Variants in KIAA0319 observed in about 807,000 individuals in gnomAD.
KIAA0319 encodes the protein KIAA0319.
Under a neutral mutation model 108.4 loss-of-function variants are expected in KIAA0319, and 83 were observed. That is an observed-to-expected ratio of 0.77 (90% CI 0.64 to 0.92). The LOEUF (loss-of-function observed/expected upper bound fraction) is 0.92, where lower values mean the gene tolerates loss of function less well. KIAA0319 is among the 40% of genes least tolerant of loss of function. The probability of loss-of-function intolerance (pLI) is 0.00; values close to 1 mark genes in which losing one functional copy is unlikely to be tolerated. For synonymous variants in KIAA0319, 484 were observed against 510.4 expected (o/e 0.95, Z 0.70); for missense variants, 1,195 against 1,322.4 (o/e 0.90, Z 1.49).
At chr6:24,630,706 CAT>C (rs71310725) in intron 1 of KIAA0319, among the ~76,000 whole-genome samples, 2 of 62,168 alleles carry the variant, frequency 3.2e-5, no homozygotes, top group African/African-American at 7.2e-5. Context: ...TATATATACA[CAT>C]ATACACACAA....
chr6:24,585,304 A>G, intron 4 of KIAA0319, among the ~76,000 whole-genome samples: 1 of 151,338 alleles, frequency 6.6e-6, no homozygotes, highest in East Asian at 1.9e-4. Flanking sequence ...CCCGCATCTC[A>G]TTTTATTCCT....
At chr6:24,566,785 G>A in intron 13 of KIAA0319, 37 bp from the exon 14 acceptor site, 1 of 1,559,196 alleles carries the variant, frequency 6.4e-7, no homozygotes, top group Non-Finnish European at 8.7e-7. Context: ...CAAAGAGATT[G>A]ATTTAAAACA....
chr6:24,557,829 C>G (rs188658152), intron 17 of KIAA0319, among the ~76,000 whole-genome samples: 1 of 151,894 alleles, frequency 6.6e-6, no homozygotes, highest in Admixed American at 6.6e-5. Flanking sequence ...CTCCTAGCCT[C>G]AAGACATCCT....
At chr6:24,559,745 G>A (rs3857543) in intron 16 of KIAA0319, among the ~76,000 whole-genome samples, 27,512 of 151,812 alleles carry the variant, frequency 0.18, 2,597 homozygotes, top group Middle Eastern at 0.27. Context: ...TAAAATTCAC[G>A]CTTCTAAAGT....
intron 1 of KIAA0319, among the ~76,000 whole-genome samples, chr6:24,623,355 AC>A (rs1441954594): frequency 6.6e-6 from 1 of 152,160 alleles, no homozygotes; most frequent in Non-Finnish European, 1.5e-5. Context: ...AAGAACAGAG[AC>A]AATAGAGGGG....
At chr6:24,570,254 C>A (rs998375357) in intron 11 of KIAA0319, among the ~76,000 whole-genome samples, 38 of 152,154 alleles carry the variant, frequency 2.5e-4, no homozygotes, top group Admixed American at 1.2e-3. Context: ...AGCCAAGAAA[C>A]ACTGTCTCTA....
In KIAA0319 at chr6:24,568,813, C is replaced by CT; in HGVS notation, c.2107dup (p.Ser703LysfsTer14). ...CACAGCCACAGTGAGGGTGGACGTG[C>CT]TGCTCAGTCCCTGCTGGTCTTTCAC... is the stretch of plus-strand genomic sequence containing the variant. On this transcript the variant is annotated frameshift_variant, in exon 13 of 21. Transcript: ENST00000378214. LOFTEE classifies it high-confidence loss of function. The CT allele has an allele frequency of 3.1e-6, 5 of 1,614,184 alleles. No homozygotes were observed. The highest frequency in any genetic ancestry group is 4.2e-6 in the Non-Finnish European group (5 of 1,180,022).
chr6:24,622,656 G>C (rs750328509), intron 1 of KIAA0319, among the ~76,000 whole-genome samples: 1 of 152,078 alleles, frequency 6.6e-6, no homozygotes, highest in Non-Finnish European at 1.5e-5. Context: ...TCTGTTCTTC[G>C]CATTTTAAAC....
chr6:24,611,592 G>A (rs1772323159), intron 1 of KIAA0319, among the ~76,000 whole-genome samples: 1 of 152,174 alleles, frequency 6.6e-6, no homozygotes, highest in African/African-American at 2.4e-5. Context: ...AAGCACAGTA[G>A]AAGTGTCAAC....
intron 8 of KIAA0319, among the ~76,000 whole-genome samples, chr6:24,579,639 G>C (rs807507): frequency 0.65 from 97,839 of 150,246 alleles, 33,196 homozygotes; most frequent in African/African-American, 0.84. Flanking sequence ...ATGGCCAGGC[G>C]CTAAAGAACT....
intron 13 of KIAA0319, among the ~76,000 whole-genome samples, chr6:24,566,973 C>A (rs904806043): frequency 2.0e-5 from 3 of 152,146 alleles, no homozygotes; most frequent in African/African-American, 4.8e-5. Flanking sequence ...AACGGTAAAG[C>A]AGGTGGCAAG....
In KIAA0319 at chr6:24,546,952, G is replaced by A. The variant is rs1223736122; in HGVS notation, c.*213C>T. 3 of 517,380 alleles carry A rather than the reference G, an allele frequency of 5.8e-6. No individual in the cohort carries two copies. The highest frequency in any genetic ancestry group is 1.0e-5 in the Non-Finnish European group (3 of 289,032). The allele number at this position is 517,380 out of a possible 1,614,324, so 32.0% of individuals were successfully genotyped here. A position where few individuals can be genotyped will look rare whatever the true frequency, so the allele number is the denominator to read the frequency against. On this transcript the variant is annotated 3_prime_UTR_variant, in exon 21 of 21. Transcript: ENST00000378214. The stretch of plus-strand genomic sequence containing the variant: ...AGTATATACCTTAGAGTTTTACCCA[G>A]CCTTTATTTCTATTAACAAGCATCT...
intron 2 of KIAA0319, chr6:24,600,707 A>T: frequency 6.6e-7 from 1 of 1,508,714 alleles, no homozygotes; most frequent in Non-Finnish European, 8.9e-7. Context: ...CACCATAAGC[A>T]AACTGAGTAT....
intron 4 of KIAA0319, among the ~76,000 whole-genome samples, chr6:24,587,430 A>G (rs1484510368): frequency 2.7e-5 from 4 of 150,586 alleles, no homozygotes; most frequent in Non-Finnish European, 5.9e-5. Flanking sequence ...ACAGGCGCCC[A>G]CCACCACGTC....
intron 20 of KIAA0319, among the ~76,000 whole-genome samples, chr6:24,549,030 AG>A (rs1761039755): frequency 6.6e-6 from 1 of 152,128 alleles, no homozygotes; most frequent in African/African-American, 2.4e-5. Context: ...CACATAAAAG[AG>A]GCACCAGAGG....
At position 24,544,550 on chromosome 6, in the gene KIAA0319, T is replaced by A. The variant is rs1206956974; in HGVS notation, c.*2615A>T. 2.0e-5 allele frequency: 3 copies of A among 152,196 alleles called. No individual in the cohort carries two copies. Among genetic ancestry groups the A allele is most frequent in the African/African-American group, 7.2e-5 (3 of 41,454 alleles). The allele number at this position is 152,196 out of a possible 1,614,324, so 9.4% of individuals were successfully genotyped here. A position where few individuals can be genotyped will look rare whatever the true frequency, so the allele number is the denominator to read the frequency against. On this transcript the variant is annotated 3_prime_UTR_variant, in exon 21 of 21. Transcript: ENST00000378214. ...ATCACTGGCTTGTTGAGTGGTACAT[T>A]TTCTTACCTTGCTGCATGTTTTTCA... is the stretch of plus-strand genomic sequence containing the variant.
intron 14 of KIAA0319, among the ~76,000 whole-genome samples, chr6:24,565,752 C>CAAAAAAAAAAAAAAAAAA (rs71542686): frequency 1.6e-5 from 1 of 62,718 alleles, no homozygotes; most frequent in Non-Finnish European, 3.1e-5. Context: ...GACTCCATCT[C>CAAAAAAAAAAAAAAAAAA]AAAAAAAAAA....
intron 8 of KIAA0319, among the ~76,000 whole-genome samples, chr6:24,578,657 T>G (rs193269918): frequency 5.5e-4 from 84 of 152,338 alleles, no homozygotes; most frequent in African/African-American, 1.9e-3. Context: ...ACAAAACATC[T>G]TTTACTACCT....
In KIAA0319 at chr6:24,601,197, T is replaced by C. The variant is rs1180362933; in HGVS notation, c.-94A>G. On this transcript the variant is annotated 5_prime_UTR_variant, in exon 2 of 21. Coordinates refer to ENST00000378214, the MANE Select transcript of KIAA0319 (RefSeq NM_014809.4). ...TTTGATGTTTTTTAGGAGCCAGATT[T>C]GGCCTCAAGAACTTCAAAGGAAAAA... The C allele has an allele frequency of 1.3e-6, 2 of 1,561,190 alleles. No homozygotes were observed. Among genetic ancestry groups the C allele is most frequent in the African/African-American group, 2.8e-5 (2 of 72,708 alleles).
Sources: allele counts gnomAD v4.1 joint callset (sites outside exome capture counted in the v4.1 genomes callset), GRCh38; gene constraint gnomAD v4.1.1; transcripts MANE v1.5; gene names NCBI Gene and HGNC (gene_info 2026-07-23, HGNC 2026-07-21).